Variants in PXDNL observed in about 807,000 individuals in gnomAD.
The protein encoded by PXDNL is peroxidasin like, also known as probable oxidoreductase PXDNL.
In PXDNL, 145 loss-of-function variants were observed where a neutral mutation model predicts 150.8. That is an observed-to-expected ratio of 0.96 (90% CI 0.84 to 1.10). The LOEUF (loss-of-function observed/expected upper bound fraction) is 1.10, where lower values mean the gene tolerates loss of function less well. Ranked by LOEUF, PXDNL falls within the 50% of genes least tolerant of loss-of-function variation. The probability of loss-of-function intolerance (pLI) is 0.00; values close to 1 mark genes in which losing one functional copy is unlikely to be tolerated. For missense variants in PXDNL, 2,087 were observed against 1,873.9 expected (o/e 1.11, Z -2.10); for synonymous variants, 757 against 725.7 (o/e 1.04, Z -0.69).
rs568963459 is a variant in PXDNL at position 51,442,818 on chromosome 8, TTTTTTA to T, written c.1525+4180_1525+4185del. On this transcript the variant is annotated intron_variant, in intron 12 of 22. Transcript: ENST00000356297. The stretch of plus-strand genomic sequence containing the variant: ...CGTGTGGATACGCAAGGGCTTTGCT[TTTTTTA>T]TTTTTAATTAATTCTTAGAGTTTTA... 2.3e-3 allele frequency among the ~76,000 whole-genome samples: 353 copies of T among 152,200 alleles called. 2 individuals are homozygous for T. Among genetic ancestry groups the T allele is most frequent in the African/African-American group, 8.3e-3 (343 of 41,572 alleles).
Position 51,372,052 on chromosome 8 carries a change from G to GTAAA in PXDNL, c.3718_3721dup (p.Thr1241IlefsTer20). 6.2e-7 allele frequency: 1 copy of GTAAA among 1,601,368 alleles called. No homozygotes were observed. Among genetic ancestry groups the GTAAA allele is most frequent in the South Asian group, 1.1e-5 (1 of 89,136 alleles). ...CTTCAGCTGAGTGAGTTGTGCCGGG[G>GTAAA]TAAATACTCCAGGGTTTTCATACCA... On this transcript the variant is annotated frameshift_variant, in exon 19 of 23. Coordinates refer to ENST00000356297, the MANE Select transcript of PXDNL (RefSeq NM_144651.5). LOFTEE classifies it high-confidence loss of function.
intron 17 of PXDNL, among the ~76,000 whole-genome samples, chr8:51,402,984 G>T (rs1189988576): frequency 6.6e-6 from 1 of 151,524 alleles, no homozygotes; most frequent in African/African-American, 2.4e-5. Context: ...CAGCTACTGG[G>T]GAGGCTGAGG....
intron 1 of PXDNL, among the ~76,000 whole-genome samples, chr8:51,691,536 C>T (rs1376345561): frequency 6.6e-6 from 1 of 150,416 alleles, no homozygotes; most frequent in Non-Finnish European, 1.5e-5. Flanking sequence ...TAGAGACAAA[C>T]ATTTACAAGT....
chr8:51,533,928 G>A (rs1011884516), intron 4 of PXDNL, among the ~76,000 whole-genome samples: 42 of 151,020 alleles, frequency 2.8e-4, no homozygotes, highest in Admixed American at 8.5e-4. Flanking sequence ...AGTGAGGAGC[G>A]TCTCTGCCTG....
At chr8:51,534,775 G>A (rs1812022989) in intron 4 of PXDNL, among the ~76,000 whole-genome samples, 1 of 131,392 alleles carries the variant, frequency 7.6e-6, no homozygotes. Flanking sequence ...CCGGCCAGCC[G>A]CCCCGTCCGG....
At chr8:51,474,405 T>C (rs1324784027) in intron 7 of PXDNL, among the ~76,000 whole-genome samples, 3 of 152,234 alleles carry the variant, frequency 2.0e-5, no homozygotes, top group Non-Finnish European at 4.4e-5. Flanking sequence ...CTTATTGCTT[T>C]AGTAAGGTTG....
In PXDNL at chr8:51,348,853, C is replaced by T. The variant is rs980297778; in HGVS notation, c.3902-2906G>A. Among the ~76,000 whole-genome samples, 3 of 152,094 alleles carry T rather than the reference C, an allele frequency of 2.0e-5. No homozygotes were observed. The South Asian group carries it at 6.3e-4, about 32-fold the overall frequency. ...CAACAGAAGAGACAGGGTTTAAATC[C>T]GGACAGTCAGACTCAAAAGCCATAA... is the stretch of plus-strand genomic sequence containing the variant. On this transcript the variant is annotated intron_variant, in intron 19 of 22. Transcript: ENST00000356297.
At chr8:51,778,942 A>G (rs2037383963) in intron 1 of PXDNL, among the ~76,000 whole-genome samples, 2 of 152,194 alleles carry the variant, frequency 1.3e-5, no homozygotes, top group Admixed American at 1.3e-4. Flanking sequence ...AAAAACTGAC[A>G]ATCTAGGAGG....
Position 51,408,088 on chromosome 8 carries a change from T to C in PXDNL, c.3536A>G (p.Glu1179Gly), listed in dbSNP as rs543046500. The C allele has an allele frequency of 5.0e-6, 8 of 1,607,538 alleles. No homozygotes were observed. Among genetic ancestry groups the C allele is most frequent in the African/African-American group, 2.7e-5 (2 of 74,476 alleles). ...TTACTTTCTCAGTTTTTGTCTAATCTCTGAATCTTTAATTTCATTTTGAAG... is the reference window on the plus strand; with the variant it reads ...TTACTTTCTCAGTTTTTGTCTAATCCCTGAATCTTTAATTTCATTTTGAAG... The part of the protein sequence containing the change: ...EDLQNEIKDS[E>G]IRQKLRKLYG... The change falls in exon 17 of 23, where the codon GAG (glutamate) becomes GGG (glycine). Residue 1179 changes from glutamate (E) to glycine (G), a missense_variant. Coordinates refer to ENST00000356297, the MANE Select transcript of PXDNL (RefSeq NM_144651.5).
At chr8:51,521,877 C>A (rs934146106) in intron 4 of PXDNL, among the ~76,000 whole-genome samples, 2 of 152,072 alleles carry the variant, frequency 1.3e-5, no homozygotes, top group African/African-American at 4.8e-5. Flanking sequence ...ATTTAAAATA[C>A]TAAAAGGGAA....
chr8:51,320,985 A>T, intron 21 of PXDNL, 88 bp from the exon 22 acceptor site: 4 of 967,370 alleles, frequency 4.1e-6, no homozygotes, highest in Non-Finnish European at 1.6e-6. Flanking sequence ...GAAATGCTCT[A>T]TTCTGTAAGC....
In PXDNL at chr8:51,598,666, A is replaced by G. The variant is rs952873958; in HGVS notation, c.237-5968T>C. On this transcript the variant is annotated intron_variant, in intron 2 of 22. Transcript: ENST00000356297. The stretch of plus-strand genomic sequence containing the variant: ...CTAGTATTTTGTTGAGGAATTTTAT[A>G]TCTATGTTCATCAGGGATATTGGCC... 2.0e-5 allele frequency among the ~76,000 whole-genome samples: 3 copies of G among 151,934 alleles called. No homozygotes were observed. In the East Asian group the frequency reaches 5.8e-4, roughly 29 times the overall value.
chr8:51,425,994 A>T (rs1458354035), intron 13 of PXDNL, among the ~76,000 whole-genome samples: 1 of 152,236 alleles, frequency 6.6e-6, no homozygotes, highest in African/African-American at 2.4e-5. Context: ...CAGTTTTGTA[A>T]CCTTTCACAG....
chr8:51,789,897 T>G (rs1030968458), intron 1 of PXDNL, among the ~76,000 whole-genome samples: 4 of 152,206 alleles, frequency 2.6e-5, no homozygotes, highest in African/African-American at 9.7e-5. Context: ...AATTATTGTA[T>G]TTATTATTAT....
intron 21 of PXDNL, among the ~76,000 whole-genome samples, chr8:51,338,918 C>T (rs762396456): frequency 6.6e-5 from 10 of 152,212 alleles, no homozygotes; most frequent in East Asian, 5.8e-4. Flanking sequence ...CTCTACTCCA[C>T]GAAAAATTGA....
chr8:51,322,195 T>A (rs939018615), intron 21 of PXDNL, among the ~76,000 whole-genome samples: 2 of 152,208 alleles, frequency 1.3e-5, no homozygotes, highest in African/African-American at 4.8e-5. Context: ...TGTTTTAAGT[T>A]ACCCATTTTC....
intron 6 of PXDNL, among the ~76,000 whole-genome samples, chr8:51,480,369 G>A (rs1289548267): frequency 6.6e-6 from 1 of 152,178 alleles, no homozygotes; most frequent in Non-Finnish European, 1.5e-5. Flanking sequence ...ACTCATGGCG[G>A]AAGGAGGAGC....
chr8:51,416,659 C>CAA (rs1448245474), intron 14 of PXDNL, among the ~76,000 whole-genome samples: 15 of 152,178 alleles, frequency 9.9e-5, no homozygotes, highest in African/African-American at 3.6e-4. Context: ...ACATGATTAT[C>CAA]AATTGATACT....
chr8:51,734,798 T>C (rs1817000864), intron 1 of PXDNL, among the ~76,000 whole-genome samples: 1 of 152,294 alleles, frequency 6.6e-6, no homozygotes, highest in East Asian at 1.9e-4. Context: ...CAATATTACA[T>C]AGCAAAATTA....
Sources: gnomAD v4.1 joint callset for allele counts (sites outside exome capture counted in the v4.1 genomes callset) on GRCh38, gnomAD v4.1.1 for gene constraint, MANE v1.5 for transcripts, NCBI Gene and HGNC (gene_info 2026-07-23, HGNC 2026-07-21) for gene names.